The following ATP6V1E1 variants were observed in gnomAD, a reference collection of about 807,000 sequenced individuals.
The protein encoded by ATP6V1E1 is ATPase H+ transporting V1 subunit E1, also known as V-type proton ATPase subunit E 1.
A neutral mutation model predicts 35.2 loss-of-function variants in ATP6V1E1; 21 were observed. The ratio of observed to expected loss-of-function variants is 0.60; its 90% CI spans 0.42 to 0.86. ATP6V1E1 has a LOEUF of 0.86. Among genes scored for constraint, ATP6V1E1 ranks in the 40% least tolerant of loss-of-function variants. The probability of loss-of-function intolerance (pLI) is 0.00; values close to 1 mark genes in which losing one functional copy is unlikely to be tolerated. For synonymous variants in ATP6V1E1, 83 were observed against 87.8 expected (o/e 0.95, Z 0.30); for missense variants, 183 against 272.6 (o/e 0.67, Z 2.32).
chr22:17,599,132 G>C (rs986051009), intron 6 of ATP6V1E1, among the ~76,000 whole-genome samples: 6 of 152,224 alleles, frequency 3.9e-5, no homozygotes, highest in Middle Eastern at 3.4e-3. Flanking sequence ...AGAAATAATG[G>C]AGAGTTAGTG....
chr22:17,611,643 T>C (rs1031316138), intron 4 of ATP6V1E1, among the ~76,000 whole-genome samples: 1 of 152,220 alleles, frequency 6.6e-6, no homozygotes, highest in African/African-American at 2.4e-5. Flanking sequence ...TTTCAGCATC[T>C]TGACTTCCCA....
In ATP6V1E1 at chr22:17,605,696, T is replaced by C. The variant is rs13054035; in HGVS notation, c.277-4515A>G. ...TAAGCTTTAGGTAGATGTTTCTCTT[T>C]TTTTTTTTTTTTTTTTTTTGAGACA... On this transcript the variant is annotated intron_variant, in intron 4 of 8. Coordinates refer to ENST00000253413, the MANE Select transcript of ATP6V1E1 (RefSeq NM_001696.4). Among the ~76,000 whole-genome samples the C allele has an allele frequency of 7.6e-3, 1,061 of 138,892 alleles. 7 individuals are homozygous for C. The highest frequency in any genetic ancestry group is 0.026 in the African/African-American group (892 of 34,154). The allele number at this position is 138,892 out of a possible 152,430, so 91.1% of individuals were successfully genotyped here. A position where few individuals can be genotyped will look rare whatever the true frequency, so the allele number is the denominator to read the frequency against.
intron 1 of ATP6V1E1, among the ~76,000 whole-genome samples, chr22:17,626,856 T>A (rs1344677702): frequency 3.3e-5 from 5 of 151,466 alleles, no homozygotes; most frequent in African/African-American, 1.2e-4. Context: ...TAAGAAAAAA[T>A]TTTTTAGAGA....
intron 4 of ATP6V1E1, among the ~76,000 whole-genome samples, chr22:17,610,290 G>A (rs529808852): frequency 2.0e-5 from 3 of 152,130 alleles, no homozygotes; most frequent in East Asian, 3.9e-4. Context: ...AAAAATTAAA[G>A]CAAAGAGAAA....
At position 17,592,581 on chromosome 22, in the gene ATP6V1E1, G is replaced by C. The variant is rs1030061265; in HGVS notation, c.*93C>G. The C allele has an allele frequency of 1.5e-6, 2 of 1,306,908 alleles. No individual in the cohort carries two copies. The highest frequency in any genetic ancestry group is 1.1e-6 in the Non-Finnish European group (1 of 903,708). The allele number at this position is 1,306,908 out of a possible 1,614,324, so 81.0% of individuals were successfully genotyped here. ...TACAGAGCAATACTGGGGCAGTGAA[G>C]AGGAAGCTACAGAGACATTCGTGTT... is the stretch of plus-strand genomic sequence containing the variant. On this transcript the variant is annotated 3_prime_UTR_variant, in exon 9 of 9. Transcript: ENST00000253413.
At chr22:17,624,187 ACT>A (rs1176604476) in intron 1 of ATP6V1E1, among the ~76,000 whole-genome samples, 8 of 152,276 alleles carry the variant, frequency 5.3e-5, no homozygotes, top group Middle Eastern at 6.8e-3. Context: ...AACAACACAC[ACT>A]GTCCTCATCG....
At chr22:17,616,675 G>A (rs112290613) in intron 2 of ATP6V1E1, among the ~76,000 whole-genome samples, 1,614 of 131,886 alleles carry the variant, frequency 0.012, 13 homozygotes, top group Middle Eastern at 0.032. Flanking sequence ...ATGAAACTCC[G>A]GCTCAAAAAA....
intron 4 of ATP6V1E1, among the ~76,000 whole-genome samples, chr22:17,608,652 T>C (rs1016485775): frequency 1.3e-5 from 2 of 152,338 alleles, no homozygotes; most frequent in Admixed American, 1.3e-4. Context: ...GGTCTCAAAC[T>C]CTTGGCCTCA....
rs2057722176 is a variant in ATP6V1E1 at position 17,594,654 on chromosome 22, A to G, written c.531-38T>C. 7 of 1,492,116 alleles carry G rather than the reference A, an allele frequency of 4.7e-6. No individual in the cohort carries two copies. In the South Asian group the frequency reaches 9.0e-5, roughly 19 times the overall value. The allele number at this position is 1,492,116 out of a possible 1,614,324, so 92.4% of individuals were successfully genotyped here. On this transcript the variant is annotated intron_variant, in intron 7 of 8. Coordinates refer to ENST00000253413, the MANE Select transcript of ATP6V1E1 (RefSeq NM_001696.4). ...AAGCACAGGAAATAATCATTTTCAA[A>G]GACTTGAGAAAGATACATGGTACCC...
intron 2 of ATP6V1E1, among the ~76,000 whole-genome samples, chr22:17,615,823 G>A (rs1248704001): frequency 6.6e-6 from 1 of 152,118 alleles, no homozygotes; most frequent in South Asian, 2.1e-4. Flanking sequence ...GTGAGGTCAG[G>A]AGATCAAGAT....
rs1229381448 is a variant in ATP6V1E1, at chr22:17,601,152, G to T, written c.306C>A (p.Leu102=). ...TGGTTGTATCTTTTACCACCTTGCTGAGTCTCTGTTTTGCTTCATTTAGTA... is the reference window on the plus strand; with the variant it reads ...TGGTTGTATCTTTTACCACCTTGCTTAGTCTCTGTTTTGCTTCATTTAGTA... ...TDLLNEAKQR[L]SKVVKDTTRY... The change falls in exon 5 of 9, where the codon CTC becomes CTA. Residue 102 remains leucine (L), a synonymous_variant. Coordinates refer to ENST00000253413, the MANE Select transcript of ATP6V1E1 (RefSeq NM_001696.4). 2.5e-6 allele frequency: 4 copies of T among 1,613,642 alleles called. No homozygotes were observed. The African/African-American group carries it at 5.3e-5, about 22-fold the overall frequency.
At chr22:17,620,296 C>CG (rs932320483) in intron 1 of ATP6V1E1, among the ~76,000 whole-genome samples, 2 of 151,740 alleles carry the variant, frequency 1.3e-5, no homozygotes, top group Admixed American at 1.3e-4. Context: ...TACAGGCGCC[C>CG]GCCACCATGC....
intron 6 of ATP6V1E1, 22 bp from the exon 7 acceptor site, chr22:17,598,310 A>G (rs1387554072): frequency 6.4e-7 from 1 of 1,568,328 alleles, no homozygotes; most frequent in Non-Finnish European, 8.8e-7. Context: ...GAACACAATG[A>G]GAGGTGTCAC....
intron 4 of ATP6V1E1, among the ~76,000 whole-genome samples, chr22:17,606,605 C>A (rs539076193): frequency 6.6e-6 from 1 of 152,284 alleles, no homozygotes; most frequent in South Asian, 2.1e-4. Context: ...ATTCAAGTTG[C>A]ATGCAACAGT....
At chr22:17,604,855 T>C (rs1455052921) in intron 4 of ATP6V1E1, among the ~76,000 whole-genome samples, 1 of 151,982 alleles carries the variant, frequency 6.6e-6, no homozygotes, top group African/African-American at 2.4e-5. Flanking sequence ...ACCACAGCAA[T>C]AGAAATCTCC....
intron 4 of ATP6V1E1, among the ~76,000 whole-genome samples, chr22:17,609,138 A>C (rs1305153881): frequency 1.3e-5 from 2 of 149,408 alleles, no homozygotes; most frequent in African/African-American, 5.0e-5. Context: ...AACAAACAAA[A>C]ATTCATTCCA....
At chr22:17,611,025 A>C (rs1237841370) in intron 4 of ATP6V1E1, among the ~76,000 whole-genome samples, 3 of 152,230 alleles carry the variant, frequency 2.0e-5, no homozygotes, top group Non-Finnish European at 4.4e-5. Flanking sequence ...CAGAAACAGT[A>C]ATTTAGACAA....
At chr22:17,598,716 T>C (rs1426292808) in intron 6 of ATP6V1E1, among the ~76,000 whole-genome samples, 1 of 152,144 alleles carries the variant, frequency 6.6e-6, no homozygotes, top group African/African-American at 2.4e-5. Flanking sequence ...GAAACAGCAG[T>C]GCCATGCCAT....
chr22:17,608,686 A>T (rs368240515), intron 4 of ATP6V1E1, among the ~76,000 whole-genome samples: 1 of 152,220 alleles, frequency 6.6e-6, no homozygotes, highest in South Asian at 2.1e-4. Context: ...CCTTGGCCTC[A>T]TAAAGTGCTG....
Sources: gnomAD v4.1 joint callset for allele counts (sites outside exome capture counted in the v4.1 genomes callset) on GRCh38, gnomAD v4.1.1 for gene constraint, MANE v1.5 for transcripts, NCBI Gene and HGNC (gene_info 2026-07-23, HGNC 2026-07-21) for gene names.